Variants in COL24A1 observed in about 807,000 individuals in gnomAD.
COL24A1 encodes collagen type XXIV alpha 1 chain.
In COL24A1, 224 loss-of-function variants were observed where a neutral mutation model predicts 253.9. The observed-to-expected ratio is 0.88, with a 90% CI of 0.79 to 0.99. The LOEUF is 0.99. Among genes scored for constraint, COL24A1 ranks in the 50% least tolerant of loss-of-function variants. The pLI is 0.00. For synonymous variants in COL24A1, 685 were observed against 673.7 expected (o/e 1.02, Z -0.26); for missense variants, 2,131 against 2,068.5 (o/e 1.03, Z -0.59).
intron 47 of COL24A1, among the ~76,000 whole-genome samples, chr1:85,798,459 A>G (rs1414565896): frequency 1.3e-5 from 2 of 152,170 alleles, no homozygotes. Flanking sequence ...ATGAGATGAC[A>G]GGATTTGCTA....
intron 47 of COL24A1, among the ~76,000 whole-genome samples, chr1:85,794,616 T>C (rs1670630271): frequency 6.6e-6 from 1 of 152,212 alleles, no homozygotes; most frequent in African/African-American, 2.4e-5. Flanking sequence ...AGAACAAACA[T>C]TTCTTATTAC....
chr1:85,827,558 G>C (rs1311532666), intron 43 of COL24A1, among the ~76,000 whole-genome samples: 1 of 151,890 alleles, frequency 6.6e-6, no homozygotes, highest in Admixed American at 6.6e-5. Context: ...TCTGGTCCTG[G>C]ACTCTTTTTG....
chr1:85,841,924 AT>A (rs957932495), intron 41 of COL24A1, 143 bp downstream of exon 41: 10 of 627,306 alleles, frequency 1.6e-5, no homozygotes, highest in African/African-American at 1.3e-4. Context: ...CTTGATATTT[AT>A]TTTTTTCTTC....
intron 19 of COL24A1, among the ~76,000 whole-genome samples, chr1:86,013,981 T>G (rs996403241): frequency 6.6e-6 from 1 of 152,230 alleles, no homozygotes; most frequent in African/African-American, 2.4e-5. Flanking sequence ...CACAGTCCCC[T>G]TACTCTTGAG....
intron 32 of COL24A1, among the ~76,000 whole-genome samples, chr1:85,885,646 A>G (rs1308976936): frequency 6.6e-6 from 1 of 152,176 alleles, no homozygotes; most frequent in Admixed American, 6.5e-5. Flanking sequence ...AGCTATGCAC[A>G]TATTCAGGGA....
chr1:85,829,934 T>C (rs1031023370), intron 43 of COL24A1, among the ~76,000 whole-genome samples: 1 of 152,140 alleles, frequency 6.6e-6, no homozygotes, highest in South Asian at 2.1e-4. Context: ...ATCAAAGTCA[T>C]TCTCCTTCCA....
chr1:86,010,343 C>T (rs635391), intron 19 of COL24A1, among the ~76,000 whole-genome samples: 27,626 of 151,844 alleles, frequency 0.18, 3,189 homozygotes, highest in African/African-American at 0.32. Flanking sequence ...TCCCTAATAC[C>T]CAAATAATTC....
At chr1:85,947,358 G>A (rs1375461132) in intron 24 of COL24A1, among the ~76,000 whole-genome samples, 5 of 152,254 alleles carry the variant, frequency 3.3e-5, no homozygotes, top group South Asian at 2.1e-4. Flanking sequence ...TCTAGTGTCC[G>A]CAGTCCAGTG....
At chr1:86,058,990 T>G (rs546628853) in intron 9 of COL24A1, 131 bp downstream of exon 9, 1 of 572,934 alleles carries the variant, frequency 1.7e-6, no homozygotes, top group South Asian at 4.0e-5. Flanking sequence ...ACTTTGATTT[T>G]GAAATTATTT....
At chr1:85,862,168 A>C (rs887283033) in intron 37 of COL24A1, among the ~76,000 whole-genome samples, 2 of 152,116 alleles carry the variant, frequency 1.3e-5, no homozygotes, top group South Asian at 4.1e-4. Flanking sequence ...ATCTGCAGTG[A>C]TCTTTTAATC....
chr1:85,818,598 A>C (rs1303315037), intron 45 of COL24A1, among the ~76,000 whole-genome samples: 1 of 152,210 alleles, frequency 6.6e-6, no homozygotes, highest in Non-Finnish European at 1.5e-5. Flanking sequence ...TGATTCAAGG[A>C]AAAGATATTT....
intron 2 of COL24A1, among the ~76,000 whole-genome samples, chr1:86,137,878 C>T (rs1362274286): frequency 6.6e-6 from 1 of 152,182 alleles, no homozygotes; most frequent in African/African-American, 2.4e-5. Flanking sequence ...ACCACACAAG[C>T]AGGCAGAACA....
Position 85,838,463 on chromosome 1 carries a change from CT to C in COL24A1, c.3681+121del, listed in dbSNP as rs1042947877. On this transcript the variant is annotated intron_variant, in intron 43 of 59. Coordinates refer to ENST00000370571, the MANE Select transcript of COL24A1 (RefSeq NM_152890.7). ...GGAGGAACAGAAAGTAGAAAGACGT[CT>C]CTTCTAGGATTAAAAACATAAGACA... 1.4e-5 allele frequency: 11 copies of C among 801,812 alleles called. No individual in the cohort carries two copies. The African/African-American group carries it at 1.7e-4, about 13-fold the overall frequency. The allele number at this position is 801,812 out of a possible 1,614,324, so 49.7% of individuals were successfully genotyped here. A position where few individuals can be genotyped will look rare whatever the true frequency, so the allele number is the denominator to read the frequency against.
chr1:85,785,909 G>C (rs1433882039), intron 48 of COL24A1, among the ~76,000 whole-genome samples: 1 of 152,184 alleles, frequency 6.6e-6, no homozygotes, highest in African/African-American at 2.4e-5. Context: ...TGCAATATAA[G>C]ACTTAGTTAC....
intron 43 of COL24A1, among the ~76,000 whole-genome samples, chr1:85,836,213 T>C (rs1454594809): frequency 6.6e-6 from 1 of 152,226 alleles, no homozygotes; most frequent in East Asian, 1.9e-4. Context: ...ACGTATAATT[T>C]ATATGAAATT....
In COL24A1 at chr1:85,813,695, C is replaced by A. The variant is rs868655528; in HGVS notation, c.3951+3093G>T. Among the ~76,000 whole-genome samples, 143 of 149,296 alleles carry A rather than the reference C, an allele frequency of 9.6e-4. 1 individual carries two copies. The highest frequency in any genetic ancestry group is 3.0e-3 in the African/African-American group (122 of 40,812). ...CCTCCCAAGTAGCTGGGACGACAGGCGCCCGCCACTACGCCCGGCTAATTT... is the reference window on the plus strand; with the variant it reads ...CCTCCCAAGTAGCTGGGACGACAGGAGCCCGCCACTACGCCCGGCTAATTT... On this transcript the variant is annotated intron_variant, in intron 47 of 59. Coordinates refer to ENST00000370571, the MANE Select transcript of COL24A1 (RefSeq NM_152890.7).
At chr1:85,822,866 C>G (rs1197098860) in intron 45 of COL24A1, among the ~76,000 whole-genome samples, 1 of 152,124 alleles carries the variant, frequency 6.6e-6, no homozygotes. Flanking sequence ...GTCTGATTAT[C>G]CCACAGTTGA....
intron 53 of COL24A1, among the ~76,000 whole-genome samples, chr1:85,768,586 GC>G (rs200302067): frequency 2.5e-3 from 46 of 18,760 alleles, no homozygotes; most frequent in African/African-American, 3.3e-3. Flanking sequence ...GTTCTTTTGT[GC>G]GGGGGGAGGG....
intron 31 of COL24A1, among the ~76,000 whole-genome samples, 190 bp from the exon 32 acceptor site, chr1:85,889,803 A>C (rs1682918074): frequency 1.3e-5 from 2 of 151,846 alleles, no homozygotes; most frequent in Admixed American, 1.3e-4. Flanking sequence ...TTTTAAATGT[A>C]AAGTTTGTGG....
Sources: allele counts gnomAD v4.1 joint callset (sites outside exome capture counted in the v4.1 genomes callset), GRCh38; gene constraint gnomAD v4.1.1; transcripts MANE v1.5; gene names NCBI Gene and HGNC (gene_info 2026-07-23, HGNC 2026-07-21).